The following PDE1A variants were observed in gnomAD, a reference collection of about 807,000 sequenced individuals.
PDE1A encodes dual specificity calcium/calmodulin-dependent 3',5'-cyclic nucleotide phosphodiesterase 1A.
PDE1A carries 35 observed loss-of-function variants against 61.7 expected under a neutral mutation model. That is an observed-to-expected ratio of 0.57 (90% CI 0.43 to 0.75). The LOEUF (loss-of-function observed/expected upper bound fraction) is 0.75, where lower values mean the gene tolerates loss of function less well. PDE1A is among the 30% of genes least tolerant of loss of function. The probability of loss-of-function intolerance (pLI) is 0.00; values close to 1 mark genes in which losing one functional copy is unlikely to be tolerated. For synonymous variants in PDE1A, 232 were observed against 213.2 expected, an observed-to-expected ratio of 1.09 and a Z score of -0.77; for missense variants, 597 against 630.6, an observed-to-expected ratio of 0.95 and a Z score of 0.57.
the PDE1A span, among the ~76,000 whole-genome samples, chr2:182,700,721 C>CAAAAAAAAAAAAAAAAAAAAAAAAAAAA: frequency 8.3e-5 from 2 of 24,004 alleles, no homozygotes; most frequent in Admixed American, 6.0e-4. Context: ...GACTCCATCT[C>CAAAAAAAAAAAAAAAAAAAAAAAAAAAA]AAAAAAAAAA....
At chr2:182,364,202 A>G (rs1027091803) in intron 1 of PDE1A, among the ~76,000 whole-genome samples, 1 of 151,740 alleles carries the variant, frequency 6.6e-6, no homozygotes, top group East Asian at 1.9e-4. Flanking sequence ...TTACAACCAT[A>G]CCTTCAGTAA....
intron 2 of PDE1A, among the ~76,000 whole-genome samples, chr2:182,250,120 G>A (rs1412539374): frequency 6.6e-6 from 1 of 152,106 alleles, no homozygotes; most frequent in East Asian, 1.9e-4. Context: ...TGAGTACCCA[G>A]ACTGCCTTCA....
the PDE1A span, among the ~76,000 whole-genome samples, chr2:182,673,287 T>C: frequency 7.2e-5 from 11 of 152,344 alleles, no homozygotes; most frequent in East Asian, 2.1e-3. Context: ...ATTGTCTTCA[T>C]CTGAACATGT....
At position 182,189,920 on chromosome 2, in the gene PDE1A, A is replaced by C. The variant is rs980786818; in HGVS notation, c.1126-860T>G. Among the ~76,000 whole-genome samples, 42 of 152,316 alleles carry C rather than the reference A, an allele frequency of 2.8e-4. 1 individual carries two copies. Among genetic ancestry groups the C allele is most frequent in the Non-Finnish European group, 2.5e-4 (17 of 68,010 alleles). ...TCCTGGCCATTTGAAAGAACATTTT[A>C]GGTTCTATTTTCTCCTAATTTATTG... On this transcript the variant is annotated intron_variant, in intron 10 of 13. Transcript: ENST00000351439.
rs202059903 is a variant in PDE1A at position 182,338,521 on chromosome 2, A to ATTTG, written c.54-74111_54-74108dup. On this transcript the variant is annotated intron_variant, in intron 1 of 13. Transcript: ENST00000351439. The stretch of plus-strand genomic sequence containing the variant: ...TTCCACTAAGCATATGGTTTTATTT[A>ATTTG]TTTGTTTGTTTGTTTGTTTTTGAGA... Among the ~76,000 whole-genome samples the ATTTG allele has an allele frequency of 9.1e-3, 1,385 of 152,008 alleles. 22 individuals are homozygous for ATTTG. Among genetic ancestry groups the ATTTG allele is most frequent in the South Asian group, 0.07 (338 of 4,818 alleles).
intron 1 of PDE1A, among the ~76,000 whole-genome samples, chr2:182,389,495 A>G (rs1701299383): frequency 1.3e-5 from 2 of 152,218 alleles, no homozygotes; most frequent in South Asian, 4.1e-4. Context: ...TTAAAAAAAT[A>G]CTTAATATCA....
At chr2:182,646,214 G>A in the PDE1A span, among the ~76,000 whole-genome samples, 4 of 151,768 alleles carry the variant, frequency 2.6e-5, no homozygotes, top group East Asian at 1.9e-4. Context: ...TTCAGAGGCC[G>A]AGGCAGGTAG....
At chr2:182,306,476 CCACACACA>C (rs148572435) in intron 1 of PDE1A, among the ~76,000 whole-genome samples, 1 of 148,886 alleles carries the variant, frequency 6.7e-6, no homozygotes, top group Admixed American at 6.7e-5. Context: ...TCATATGGAA[CCACACACA>C]CACACACACA....
chr2:182,193,277 C>T (rs1186718973), intron 10 of PDE1A, among the ~76,000 whole-genome samples: 3 of 152,066 alleles, frequency 2.0e-5, no homozygotes, highest in African/African-American at 4.8e-5. Flanking sequence ...TGAGCCACCG[C>T]GCCTGGCCAG....
chr2:182,674,042 T>C, the PDE1A span, among the ~76,000 whole-genome samples: 2 of 148,786 alleles, frequency 1.3e-5, no homozygotes, highest in African/African-American at 5.0e-5. Flanking sequence ...TTAAGCCTAA[T>C]GGTAAAATAT....
chr2:182,619,184 G>A, the PDE1A span, among the ~76,000 whole-genome samples: 1 of 152,104 alleles, frequency 6.6e-6, no homozygotes, highest in Non-Finnish European at 1.5e-5. Flanking sequence ...TGTATTCAAT[G>A]TGATAAGAAT....
chr2:182,663,044 T>A, the PDE1A span, among the ~76,000 whole-genome samples: 1 of 151,764 alleles, frequency 6.6e-6, no homozygotes, highest in Non-Finnish European at 1.5e-5. Context: ...ACTTCTCAAA[T>A]GAAGACATTT....
intron 2 of PDE1A, among the ~76,000 whole-genome samples, chr2:182,452,368 T>A (rs191520277): frequency 6.6e-6 from 1 of 152,246 alleles, no homozygotes; most frequent in East Asian, 1.9e-4. Context: ...AATGTGTTCA[T>A]GTGTGTGTTT....
At chr2:182,337,068 C>CA (rs1245817833) in intron 1 of PDE1A, among the ~76,000 whole-genome samples, 2 of 150,718 alleles carry the variant, frequency 1.3e-5, no homozygotes, top group African/African-American at 4.9e-5. Context: ...TAGAAGAGTA[C>CA]ATTGTAAGTG....
At chr2:182,646,061 G>C in the PDE1A span, among the ~76,000 whole-genome samples, 7 of 151,934 alleles carry the variant, frequency 4.6e-5, no homozygotes, top group African/African-American at 1.7e-4. Context: ...AAAGGGTATA[G>C]TAAAAAAAAG....
chr2:182,252,010 G>A (rs1254008898), intron 2 of PDE1A, among the ~76,000 whole-genome samples: 1 of 152,172 alleles, frequency 6.6e-6, no homozygotes, highest in Non-Finnish European at 1.5e-5. Flanking sequence ...GGCCAAAATA[G>A]TAGGGATGAT....
intron 2 of PDE1A, among the ~76,000 whole-genome samples, chr2:182,503,710 A>T (rs929293320): frequency 2.6e-5 from 4 of 152,130 alleles, no homozygotes; most frequent in South Asian, 4.1e-4. Flanking sequence ...CTGGTCTAAA[A>T]TACAGACTTT....
the PDE1A span, among the ~76,000 whole-genome samples, chr2:182,619,350 C>A: frequency 3.3e-5 from 5 of 151,940 alleles, no homozygotes; most frequent in Admixed American, 6.6e-5. Context: ...CTATAGATCC[C>A]TCAGAAGATG....
intron 1 of PDE1A, among the ~76,000 whole-genome samples, chr2:182,338,117 G>A (rs1697958805): frequency 6.6e-6 from 1 of 152,172 alleles, no homozygotes; most frequent in South Asian, 2.1e-4. Context: ...ATTCAAAGAT[G>A]CATGACACTT....
Sources: gnomAD v4.1 joint callset for allele counts (sites outside exome capture counted in the v4.1 genomes callset) on GRCh38, gnomAD v4.1.1 for gene constraint, MANE v1.5 for transcripts, NCBI Gene and HGNC (gene_info 2026-07-23, HGNC 2026-07-21) for gene names.